Variants in DLG2 observed in about 807,000 individuals in gnomAD.
The protein encoded by DLG2 is discs large MAGUK scaffold protein 2, also known as disks large homolog 2.
A neutral mutation model predicts 132.5 loss-of-function variants in DLG2; 45 were observed. The ratio of observed to expected loss-of-function variants is 0.34; its 90% CI spans 0.27 to 0.44. The LOEUF (loss-of-function observed/expected upper bound fraction) is 0.44. Ranked by LOEUF, DLG2 falls within the 20% of genes least tolerant of loss-of-function variation. The pLI is 1.00. For missense variants in DLG2, 1,045 were observed against 1,196.9 expected, an observed-to-expected ratio of 0.87 and a Z score of 1.87; for synonymous variants, 424 against 419.6, an observed-to-expected ratio of 1.01 and a Z score of -0.13.
intron 15 of DLG2, 113 bp downstream of exon 15, chr11:83,930,215 C>T: frequency 8.2e-7 from 1 of 1,218,566 alleles, no homozygotes; most frequent in Admixed American, 2.2e-5. Context: ...CATCTCTCCA[C>T]TTTGGGGAAG....
intron 6 of DLG2, among the ~76,000 whole-genome samples, chr11:84,582,972 T>C (rs1459069171): frequency 1.3e-5 from 2 of 152,180 alleles, no homozygotes; most frequent in Admixed American, 6.5e-5. Flanking sequence ...TCAGATGCTG[T>C]CAAGAGTAAG....
intron 6 of DLG2, among the ~76,000 whole-genome samples, chr11:84,837,106 T>A (rs536366570): frequency 7.2e-5 from 11 of 151,900 alleles, no homozygotes; most frequent in African/African-American, 2.7e-4. Context: ...TGAGAACATA[T>A]AACATATACT....
At chr11:84,655,066 G>C (rs2099686538) in intron 6 of DLG2, among the ~76,000 whole-genome samples, 1 of 152,134 alleles carries the variant, frequency 6.6e-6, no homozygotes, top group African/African-American at 2.4e-5. Context: ...CATGTGTAAT[G>C]TGTAGATAAA....
chr11:85,134,623 G>A (rs1358936639), intron 5 of DLG2, among the ~76,000 whole-genome samples: 2 of 146,288 alleles, frequency 1.4e-5, no homozygotes, highest in South Asian at 4.4e-4. Context: ...TACTTTTCAT[G>A]AATTATTGAG....
At chr11:84,620,831 A>C (rs1296806144) in intron 6 of DLG2, among the ~76,000 whole-genome samples, 1 of 152,148 alleles carries the variant, frequency 6.6e-6, no homozygotes, top group Non-Finnish European at 1.5e-5. Context: ...AAACCATATG[A>C]CTTAGTAATT....
chr11:85,237,324 G>A lies in DLG2; in HGVS notation c.186+47896C>T, dbSNP rs371551945. On this transcript the variant is annotated intron_variant, in intron 4 of 27. Coordinates refer to ENST00000376104, the MANE Select transcript of DLG2 (RefSeq NM_001142699.3). ...TAATTAATAGGGAAATGAATGAGAT[G>A]CCTTCACCAAGGGGTTTGTACAAAA... is the stretch of plus-strand genomic sequence containing the variant. Among the ~76,000 whole-genome samples, 15 of 152,154 alleles carry A rather than the reference G, an allele frequency of 9.9e-5. No individual in the cohort carries two copies. The East Asian group carries it at 1.5e-3, about 16-fold the overall frequency.
intron 6 of DLG2, among the ~76,000 whole-genome samples, chr11:84,702,002 A>C (rs1207531696): frequency 6.6e-6 from 1 of 151,540 alleles, no homozygotes; most frequent in Non-Finnish European, 1.5e-5. Context: ...TTTTCTCAAT[A>C]ATTACTCTCC....
intron 11 of DLG2, among the ~76,000 whole-genome samples, chr11:84,012,146 T>C (rs1248957270): frequency 1.3e-5 from 2 of 152,150 alleles, no homozygotes; most frequent in Non-Finnish European, 2.9e-5. Context: ...AATCTGCTAA[T>C]GCTATATTTT....
At chr11:83,709,050 A>G (rs1244079545) in intron 18 of DLG2, among the ~76,000 whole-genome samples, 2 of 152,028 alleles carry the variant, frequency 1.3e-5, no homozygotes, top group African/African-American at 4.8e-5. Flanking sequence ...TGTGGTATGT[A>G]CTCAACCGCT....
intron 6 of DLG2, among the ~76,000 whole-genome samples, chr11:84,892,356 T>A (rs2089531945): frequency 6.6e-6 from 1 of 152,128 alleles, no homozygotes; most frequent in Admixed American, 6.6e-5. Flanking sequence ...TTCTTTATAT[T>A]AAATAACCAT....
intron 6 of DLG2, among the ~76,000 whole-genome samples, chr11:84,874,792 G>A (rs1018409015): frequency 9.2e-5 from 14 of 151,982 alleles, no homozygotes; most frequent in South Asian, 4.1e-4. Flanking sequence ...AGGCCGAGGC[G>A]AGCTGATTAC....
chr11:83,877,745 G>C (rs1160948310), intron 15 of DLG2, among the ~76,000 whole-genome samples: 1 of 152,080 alleles, frequency 6.6e-6, no homozygotes, highest in Non-Finnish European at 1.5e-5. Flanking sequence ...AGTGAACTAA[G>C]ATAAATAGAG....
At chr11:83,870,953 C>T (rs533636658) in intron 16 of DLG2, among the ~76,000 whole-genome samples, 1 of 152,186 alleles carries the variant, frequency 6.6e-6, no homozygotes, top group East Asian at 1.9e-4. Flanking sequence ...AAAAGGTACC[C>T]CCTGGAGTTG....
In DLG2 at chr11:83,768,664, A is replaced by G. The variant is rs535455591; in HGVS notation, c.1825+18026T>C. The stretch of plus-strand genomic sequence containing the variant: ...GAGCAAAGCATCATTCTAAAGCCCC[A>G]GGGCTTGGCAGCACAACGTGGCTCA... On this transcript the variant is annotated intron_variant, in intron 18 of 27. Transcript: ENST00000376104. 3.9e-5 allele frequency among the ~76,000 whole-genome samples: 6 copies of G among 152,364 alleles called. No homozygotes were observed. The South Asian group carries it at 1.2e-3, about 32-fold the overall frequency.
At chr11:85,619,571 T>C (rs949180180) in intron 2 of DLG2, among the ~76,000 whole-genome samples, 2 of 152,086 alleles carry the variant, frequency 1.3e-5, no homozygotes, top group African/African-American at 2.4e-5. Flanking sequence ...CAGTGGCTCA[T>C]GCCTGTAATC....
intron 7 of DLG2, among the ~76,000 whole-genome samples, chr11:84,413,133 T>C (rs1372011387): frequency 1.3e-5 from 2 of 152,132 alleles, no homozygotes; most frequent in East Asian, 3.9e-4. Context: ...ACTGTCTCAT[T>C]CACTGGATCT....
intron 4 of DLG2, among the ~76,000 whole-genome samples, chr11:85,221,147 A>G (rs1173302263): frequency 6.6e-6 from 1 of 150,868 alleles, no homozygotes; most frequent in East Asian, 1.9e-4. Flanking sequence ...GGTTCATGCC[A>G]TTCTCCTGAC....
At chr11:85,319,432 G>C (rs1417811042) in intron 3 of DLG2, among the ~76,000 whole-genome samples, 2 of 151,714 alleles carry the variant, frequency 1.3e-5, no homozygotes, top group Non-Finnish European at 3.0e-5. Flanking sequence ...CTACTGCTTT[G>C]TAATAGCATA....
At chr11:85,580,305 G>A (rs998903220) in intron 3 of DLG2, among the ~76,000 whole-genome samples, 10 of 152,172 alleles carry the variant, frequency 6.6e-5, no homozygotes. Context: ...GCTTTATGTA[G>A]AAGAATGCAT....
Sources: gnomAD v4.1 joint callset for allele counts (sites outside exome capture counted in the v4.1 genomes callset) on GRCh38, gnomAD v4.1.1 for gene constraint, MANE v1.5 for transcripts, NCBI Gene and HGNC (gene_info 2026-07-23, HGNC 2026-07-21) for gene names.